The following NRP1 variants were observed in gnomAD, a reference collection of about 807,000 sequenced individuals.
NRP1 encodes the protein neuropilin 1.
In NRP1, 35 loss-of-function variants were observed where a neutral mutation model predicts 106.7. The observed-to-expected ratio is 0.33, with a 90% CI of 0.25 to 0.43. The LOEUF (loss-of-function observed/expected upper bound fraction) is 0.43. NRP1 is among the 20% of genes least tolerant of loss of function. The pLI is 1.00. For missense variants in NRP1, 1,024 were observed against 1,170.4 expected (o/e 0.87, Z 1.83); for synonymous variants, 437 against 417.9 (o/e 1.05, Z -0.56).
intron 15 of NRP1, among the ~76,000 whole-genome samples, chr10:33,184,214 C>T (rs1258611905): frequency 1.3e-5 from 2 of 152,238 alleles, no homozygotes; most frequent in Non-Finnish European, 2.9e-5. Context: ...TGGGGTTTTG[C>T]CATGTTGGCC....
intron 6 of NRP1, among the ~76,000 whole-genome samples, chr10:33,234,668 C>T (rs1473460205): frequency 2.0e-5 from 3 of 152,010 alleles, no homozygotes; most frequent in African/African-American, 7.3e-5. Flanking sequence ...AATAAAAATA[C>T]CCAAGTAGAA....
chr10:33,182,684 C>G lies in NRP1; in HGVS notation c.2482+14G>C. 6.2e-7 allele frequency: 1 copy of G among 1,604,456 alleles called. No homozygotes were observed. Among genetic ancestry groups the G allele is most frequent in the Non-Finnish European group, 8.5e-7 (1 of 1,172,734 alleles). ...GTAAAATTTTTTAAAAATTGGTCAG[C>G]AAGACAAATTTACCTGTTTCATCAA... On this transcript the variant is annotated intron_variant, in intron 16 of 16. Coordinates refer to ENST00000374867, the MANE Select transcript of NRP1 (RefSeq NM_003873.7).
At chr10:33,186,157 A>G (rs1835990564) in intron 14 of NRP1, 60 bp downstream of exon 14, 2 of 1,520,510 alleles carry the variant, frequency 1.3e-6, no homozygotes, top group East Asian at 4.5e-5. Context: ...ACAGCCTCCA[A>G]CATATCATCT....
intron 8 of NRP1, among the ~76,000 whole-genome samples, chr10:33,217,291 T>C (rs1351893678): frequency 2.6e-5 from 4 of 152,044 alleles, no homozygotes; most frequent in Non-Finnish European, 5.9e-5. Context: ...TCTGTATTCA[T>C]AGACTTAGTG....
intron 2 of NRP1, among the ~76,000 whole-genome samples, chr10:33,300,350 T>G (rs1261563016): frequency 6.6e-6 from 1 of 152,244 alleles, no homozygotes; most frequent in South Asian, 2.1e-4. Context: ...AGTGCATCTG[T>G]GTCAGAAAGA....
chr10:33,185,684 C>G lies in NRP1; in HGVS notation c.2375G>C (p.Gly792Ala). The G allele has an allele frequency of 6.2e-7, 1 of 1,614,126 alleles. No individual in the cohort carries two copies. The change falls in exon 15 of 17, where the codon GGG becomes GCG. Residue 792 changes from glycine to alanine, a missense_variant. Gly to Ala is a moderately conservative substitution (Grantham distance 60, BLOSUM62 0). This residue lies in a region of NRP1 where 164 missense variants were observed against 161.4 expected (regional missense o/e 1.02). Coordinates refer to ENST00000374867, the MANE Select transcript of NRP1 (RefSeq NM_003873.7). ...AATACTAATGTCATCCACAGCAATC[C>G]CACCAAGGTTTCCTTTTCCGATTTC... ...EGEIGKGNLG[G>A]IAVDDISINN... is the part of the protein sequence containing the mutation.
intron 2 of NRP1, among the ~76,000 whole-genome samples, chr10:33,319,802 G>A (rs1039677490): frequency 1.3e-5 from 2 of 150,870 alleles, no homozygotes; most frequent in African/African-American, 4.9e-5. Flanking sequence ...TAGCCAGGAT[G>A]GTCTCGATTT....
chr10:33,313,121 T>C (rs1183522024), intron 2 of NRP1, among the ~76,000 whole-genome samples: 1 of 152,234 alleles, frequency 6.6e-6, no homozygotes, highest in Non-Finnish European at 1.5e-5. Flanking sequence ...ATGCATCTGT[T>C]CATGGGTAAG....
chr10:33,208,226 A>G (rs1377823330), intron 9 of NRP1, among the ~76,000 whole-genome samples: 5 of 151,884 alleles, frequency 3.3e-5, no homozygotes, highest in Admixed American at 2.0e-4. Context: ...ACGCCGAGCT[A>G]ATTTTTTGTG....
chr10:33,236,590 G>A (rs77211942), intron 6 of NRP1, among the ~76,000 whole-genome samples: 3,985 of 152,296 alleles, frequency 0.026, 67 homozygotes, highest in Non-Finnish European at 0.037. Context: ...TTGACTGCAA[G>A]GGTACAGCTC....
chr10:33,318,809 C>T (rs1847226755), intron 2 of NRP1, among the ~76,000 whole-genome samples: 2 of 145,368 alleles, frequency 1.4e-5, no homozygotes. Context: ...AACCTAATAG[C>T]ATTGAGGAAG....
intron 2 of NRP1, among the ~76,000 whole-genome samples, chr10:33,293,263 T>C (rs1460609111): frequency 1.3e-5 from 2 of 152,230 alleles, no homozygotes; most frequent in Admixed American, 6.5e-5. Flanking sequence ...TTTCCTTCCC[T>C]GGAATATTTT....
chr10:33,241,156 A>G (rs1484277070), intron 6 of NRP1, among the ~76,000 whole-genome samples: 1 of 152,220 alleles, frequency 6.6e-6, no homozygotes, highest in African/African-American at 2.4e-5. Context: ...CAAAATAGAA[A>G]CGCCATGTGT....
chr10:33,272,513 A>G (rs980513537), intron 2 of NRP1, among the ~76,000 whole-genome samples: 1 of 151,970 alleles, frequency 6.6e-6, no homozygotes, highest in African/African-American at 2.4e-5. Context: ...AAAGAGGAGG[A>G]GGAGGGGAGG....
In NRP1 at chr10:33,254,113, G is replaced by A. The variant is rs746578622; in HGVS notation, c.896C>T (p.Thr299Ile). The change falls in exon 6 of 17, where the codon ACC becomes ATC. Residue 299 changes from threonine (T) to isoleucine (I), a missense_variant. Around this residue, in one of 5 missense-constraint regions of NRP1, gnomAD observed 562 missense variants for 620.3 expected, o/e 0.91. Transcript: ENST00000374867. ...GCGGGAGCGCTCTGCAGACCAGTTG[G>A]TGCTATACTGGGAAGAAGCTGTGAT... The part of the protein sequence containing the change: ...DQITASSQYS[T>I]NWSAERSRLN... The A allele has an allele frequency of 5.0e-6, 8 of 1,613,770 alleles. No individual in the cohort carries two copies. The African/African-American group carries it at 6.7e-5, about 13-fold the overall frequency.
At chr10:33,306,558 A>T (rs2132744494) in intron 2 of NRP1, among the ~76,000 whole-genome samples, 1 of 152,344 alleles carries the variant, frequency 6.6e-6, no homozygotes, top group Non-Finnish European at 1.5e-5. Flanking sequence ...TGGTCAGTTT[A>T]CAATTTCCTT....
intron 4 of NRP1, among the ~76,000 whole-genome samples, chr10:33,263,087 A>G (rs1364762960): frequency 6.6e-6 from 1 of 152,206 alleles, no homozygotes; most frequent in East Asian, 1.9e-4. Context: ...AAGATGAAAA[A>G]TCTGTAGAGA....
chr10:33,243,099 CCT>C (rs1356391598), intron 6 of NRP1, among the ~76,000 whole-genome samples: 17 of 152,068 alleles, frequency 1.1e-4, no homozygotes, highest in Non-Finnish European at 1.8e-4. Flanking sequence ...CTTATCTCCC[CCT>C]GTGGGCTGCA....
intron 2 of NRP1, among the ~76,000 whole-genome samples, chr10:33,318,239 T>C (rs547766238): frequency 6.6e-6 from 1 of 152,312 alleles, no homozygotes; most frequent in East Asian, 1.9e-4. Context: ...TGGGCTGTAC[T>C]GGTTAACACT....
Sources: gnomAD v4.1 joint callset for allele counts (sites outside exome capture counted in the v4.1 genomes callset) on GRCh38, gnomAD v4.1.1 for gene constraint, gnomAD v4.1.1 regional missense constraint, MANE v1.5 for transcripts, NCBI Gene and HGNC (gene_info 2026-07-23, HGNC 2026-07-21) for gene names.